Variants in KCNQ1OT1 observed in about 807,000 individuals in gnomAD.
KCNQ1OT1 encodes the protein KCNQ1 opposite strand/antisense transcript 1.
At chr11:2,699,878 C>A (rs539003266) in exon 1 of KCNQ1OT1, 2 of 398,288 alleles carry the variant, frequency 5.0e-6, no homozygotes, top group South Asian at 2.5e-4. Context: ...GCTGAGGAGC[C>A]CCGGGGAGGA....
exon 1 of KCNQ1OT1, chr11:2,665,667 A>T (rs545127037): frequency 5.0e-6 from 2 of 397,718 alleles, no homozygotes; most frequent in South Asian, 2.6e-4. Context: ...CAGTTCCCTA[A>T]GCCTTTCGAA....
Position 2,645,878 on chromosome 11 carries a change from T to G in KCNQ1OT1, n.54117A>C, listed in dbSNP as rs80003280. On this transcript the variant is annotated non_coding_transcript_exon_variant, in exon 1 of 1. Transcript: ENST00000597346. This position sits in a 1 kb window ranked among gnomAD's most constrained non-coding sequence, Gnocchi z 5.8. ...TGAATTGCCTGAGGATTCAGGGTGATCTCCCTCTCTGGGAGCTGTTCATTG... is the reference window on the plus strand; with the variant it reads ...TGAATTGCCTGAGGATTCAGGGTGAGCTCCCTCTCTGGGAGCTGTTCATTG... 0.013 allele frequency: 5,118 copies of G among 398,570 alleles called. 156 individuals carry two copies. Among genetic ancestry groups the G allele is most frequent in the East Asian group, 0.079 (2,220 of 28,054 alleles). 24.7% of individuals were successfully genotyped at this position (398,570 alleles called of 1,614,324 possible). A position where few individuals can be genotyped will look rare whatever the true frequency, so the allele number is the denominator to read the frequency against.
exon 1 of KCNQ1OT1, chr11:2,628,561 G>A (rs973231827): frequency 2.5e-6 from 1 of 398,210 alleles, no homozygotes; most frequent in Non-Finnish European, 4.4e-6. Flanking sequence ...CAGATATATG[G>A]TTGGAAATAT....
In KCNQ1OT1 at chr11:2,670,876, GA is replaced by G. The variant is rs1406199822; in HGVS notation, n.29118del. On this transcript the variant is annotated non_coding_transcript_exon_variant, in exon 1 of 1. Transcript: ENST00000597346. This position sits in a 1 kb window ranked among gnomAD's most constrained non-coding sequence, Gnocchi z 4.9. Reference sequence around the variant, plus strand: ...TCCTCACTGGCCAGTGGGCCACTGGGAAGCCTCCTGGATTGCCTGGACAAGG... The same window carrying G: ...TCCTCACTGGCCAGTGGGCCACTGGGAGCCTCCTGGATTGCCTGGACAAGG... The G allele has an allele frequency of 2.5e-6, 1 of 398,522 alleles. No individual in the cohort carries two copies. The highest frequency in any genetic ancestry group is 4.4e-6 in the Non-Finnish European group (1 of 226,088). The allele number at this position is 398,522 out of a possible 1,614,324, so 24.7% of individuals were successfully genotyped here.
chr11:2,672,123 C>T (rs1235187768), exon 1 of KCNQ1OT1: 1 of 398,646 alleles, frequency 2.5e-6, no homozygotes, highest in African/African-American at 2.1e-5. Context: ...TCTTCTCCCA[C>T]CTAATCCTCC....
exon 1 of KCNQ1OT1, chr11:2,629,821 T>A: frequency 2.5e-6 from 1 of 397,896 alleles, no homozygotes. Flanking sequence ...AACAGGTTTT[T>A]TTTGTGGAGT....
chr11:2,681,749 G>T (rs1184374789), exon 1 of KCNQ1OT1: 2 of 398,120 alleles, frequency 5.0e-6, no homozygotes, highest in Non-Finnish European at 8.8e-6. Flanking sequence ...TCACACACCA[G>T]GGCACTGTGG....
At position 2,620,481 on chromosome 11, in the gene KCNQ1OT1, G is replaced by A; in HGVS notation, n.79514C>T. 1 of 346,984 alleles carries A rather than the reference G, an allele frequency of 2.9e-6. No homozygotes were observed. The highest frequency in any genetic ancestry group is 5.1e-6 in the Non-Finnish European group (1 of 194,790). 21.5% of individuals were successfully genotyped at this position (346,984 alleles called of 1,614,324 possible). ...TCCACCCGCCTTGGCCTCCCAAAGT[G>A]CTGGGATTACAGGTGAGAGCTACCG... On this transcript the variant is annotated non_coding_transcript_exon_variant, in exon 1 of 1. Coordinates refer to ENST00000597346, the Ensembl canonical transcript of KCNQ1OT1. This position sits in a 1 kb window ranked among gnomAD's most constrained non-coding sequence, Gnocchi z 4.5.
rs141158179 is a variant in KCNQ1OT1 at position 2,648,269 on chromosome 11, A to T, written n.51726T>A. The T allele has an allele frequency of 1.0e-3, 412 of 398,428 alleles. 2 individuals carry two copies. Among genetic ancestry groups the T allele is most frequent in the Middle Eastern group, 8.2e-3 (13 of 1,584 alleles). 24.7% of individuals were successfully genotyped at this position (398,428 alleles called of 1,614,324 possible). A position where few individuals can be genotyped will look rare whatever the true frequency, so the allele number is the denominator to read the frequency against. ...CTTTTTTACCTTTTATCTCTATTTC[A>T]TTTAGATCTGCTCTGATCTTTACTA... On this transcript the variant is annotated non_coding_transcript_exon_variant, in exon 1 of 1. Coordinates refer to ENST00000597346, the Ensembl canonical transcript of KCNQ1OT1.
chr11:2,697,670 T>C (rs1850701445), exon 1 of KCNQ1OT1: 1 of 398,612 alleles, frequency 2.5e-6, no homozygotes, highest in African/African-American at 2.1e-5. Context: ...GTGAATTACA[T>C]GGATAAAGTT....
chr11:2,644,333 ATTCT>A (rs1158048298), exon 1 of KCNQ1OT1: 9 of 398,096 alleles, frequency 2.3e-5, no homozygotes, highest in Middle Eastern at 6.3e-4. Context: ...AAGGTGTGAA[ATTCT>A]TTCTTCTGCT....
chr11:2,612,956 T>A lies in KCNQ1OT1; in HGVS notation n.87039A>T, dbSNP rs781622334. On this transcript the variant is annotated non_coding_transcript_exon_variant, in exon 1 of 1. Coordinates refer to ENST00000597346, the Ensembl canonical transcript of KCNQ1OT1. The surrounding 1 kb of genome is among the most constrained non-coding windows in gnomAD (Gnocchi z 5.5). Reference sequence around the variant, plus strand: ...CTGCATGGATTCTGCAGAGTCTGTGTTCTCCTGCAGTGTGCAGCCACTGGT... The same window carrying A: ...CTGCATGGATTCTGCAGAGTCTGTGATCTCCTGCAGTGTGCAGCCACTGGT... The A allele has an allele frequency of 3.5e-4, 139 of 398,628 alleles. 1 individual carries two copies. Among genetic ancestry groups the A allele is most frequent in the Middle Eastern group, 2.5e-3 (4 of 1,588 alleles). The allele number at this position is 398,628 out of a possible 1,614,324, so 24.7% of individuals were successfully genotyped here.
chr11:2,671,670 A>T lies in KCNQ1OT1; in HGVS notation n.28325T>A, dbSNP rs79645020. On this transcript the variant is annotated non_coding_transcript_exon_variant, in exon 1 of 1. Transcript: ENST00000597346. This position sits in a 1 kb window ranked among gnomAD's most constrained non-coding sequence, Gnocchi z 4.7. The stretch of plus-strand genomic sequence containing the variant: ...TGCTGGGGAAACTGAGGCAGAGAGC[A>T]GGGGTGACTTTGCAAGGCAATAGAG... 3.3e-5 allele frequency: 7 copies of T among 209,128 alleles called. No homozygotes were observed. Among genetic ancestry groups the T allele is most frequent in the South Asian group, 3.2e-4 (1 of 3,156 alleles). The allele number at this position is 209,128 out of a possible 1,614,324, so 13.0% of individuals were successfully genotyped here.
At chr11:2,672,300 T>G in exon 1 of KCNQ1OT1, 1 of 398,564 alleles carries the variant, frequency 2.5e-6, no homozygotes, top group African/African-American at 2.1e-5. Flanking sequence ...GTGTGTGGGC[T>G]CCAGGTGGGA....
rs914297938 is a variant in KCNQ1OT1, at chr11:2,671,165, T to A, written n.28830A>T. The stretch of plus-strand genomic sequence containing the variant: ...GAGGCCTGAGGTGCCATCTTAGAAA[T>A]AGGGCCTTGTTAGGAGAAAAGGAAA... On this transcript the variant is annotated non_coding_transcript_exon_variant, in exon 1 of 1. Coordinates refer to ENST00000597346, the Ensembl canonical transcript of KCNQ1OT1. This position sits in a 1 kb window ranked among gnomAD's most constrained non-coding sequence, Gnocchi z 4.7. The A allele has an allele frequency of 2.5e-6, 1 of 398,354 alleles. No homozygotes were observed. The highest frequency in any genetic ancestry group is 2.1e-5 in the African/African-American group (1 of 48,542). The allele number at this position is 398,354 out of a possible 1,614,324, so 24.7% of individuals were successfully genotyped here. A position where few individuals can be genotyped will look rare whatever the true frequency, so the allele number is the denominator to read the frequency against.
rs1965606 is a variant in KCNQ1OT1 at position 2,611,323 on chromosome 11, C to G, written n.88672G>C. On this transcript the variant is annotated non_coding_transcript_exon_variant, in exon 1 of 1. Transcript: ENST00000597346. The surrounding 1 kb of genome is among the most constrained non-coding windows in gnomAD (Gnocchi z 5.3). ...CAACCTCTGCCTCCCGGATTCAAGC[C>G]GTTCTCTTGCCTCAGCATCCCAAGT... is the stretch of plus-strand genomic sequence containing the variant. The G allele has an allele frequency of 0.6, 239,331 of 397,214 alleles. 74,001 individuals are homozygous for G. Among genetic ancestry groups the G allele is most frequent in the East Asian group, 0.86 (24,150 of 28,070 alleles). The allele number at this position is 397,214 out of a possible 1,614,324, so 24.6% of individuals were successfully genotyped here. A position where few individuals can be genotyped will look rare whatever the true frequency, so the allele number is the denominator to read the frequency against.
In KCNQ1OT1 at chr11:2,623,522, A is replaced by G. The variant is rs570580180; in HGVS notation, n.76473T>C. 29 of 398,444 alleles carry G rather than the reference A, an allele frequency of 7.3e-5. No homozygotes were observed. The highest frequency in any genetic ancestry group is 1.2e-4 in the Non-Finnish European group (28 of 226,062). 24.7% of individuals were successfully genotyped at this position (398,444 alleles called of 1,614,324 possible). A position where few individuals can be genotyped will look rare whatever the true frequency, so the allele number is the denominator to read the frequency against. On this transcript the variant is annotated non_coding_transcript_exon_variant, in exon 1 of 1. Transcript: ENST00000597346. This position sits in a 1 kb window ranked among gnomAD's most constrained non-coding sequence, Gnocchi z 5.2. ...TGCAATATGATTGGAATCATACAGT[A>G]TGTAGTTTCTTCAGATTGCCTTATT...
chr11:2,619,537 C>A, exon 1 of KCNQ1OT1: 2 of 398,390 alleles, frequency 5.0e-6, no homozygotes, highest in Non-Finnish European at 8.8e-6. Context: ...GATATATAAT[C>A]TTTTTGATGT....
exon 1 of KCNQ1OT1, chr11:2,662,865 A>AT (rs1011987613): frequency 4.8e-5 from 19 of 398,548 alleles, no homozygotes; most frequent in African/African-American, 3.7e-4. Flanking sequence ...CTCTACCAAC[A>AT]TTTTTCTAAA....
Sources: allele counts gnomAD v4.1 joint callset, GRCh38; gene constraint gnomAD v4.1.1; non-coding constraint Gnocchi (gnomAD v3.1); transcripts MANE v1.5; gene names NCBI Gene and HGNC (gene_info 2026-07-23, HGNC 2026-07-21).